INPP4B: variants seen among roughly 807,000 people sequenced by gnomAD.
The protein encoded by INPP4B is inositol polyphosphate 4-phosphatase type II.
Under a neutral mutation model 122.5 loss-of-function variants are expected in INPP4B, and 55 were observed. That is an observed-to-expected ratio of 0.45 (90% CI 0.36 to 0.56). The LOEUF is 0.56. Among genes scored for constraint, INPP4B ranks in the 20% least tolerant of loss-of-function variants. The pLI is 0.00. For missense variants in INPP4B, 1,000 were observed against 1,097.7 expected (o/e 0.91, Z 1.26); for synonymous variants, 403 against 388.7 (o/e 1.04, Z -0.43).
intron 2 of INPP4B, among the ~76,000 whole-genome samples, chr4:142,533,573 T>C (rs1244095312): frequency 6.6e-6 from 1 of 152,154 alleles, no homozygotes; most frequent in Non-Finnish European, 1.5e-5. Context: ...GTAAATCTAT[T>C]CTCAATTACT....
At chr4:142,306,540 T>C (rs1350309759) in intron 8 of INPP4B, among the ~76,000 whole-genome samples, 1 of 152,170 alleles carries the variant, frequency 6.6e-6, no homozygotes, top group African/African-American at 2.4e-5. Context: ...TTGAGGGTAA[T>C]GGCATCTTTT....
At chr4:142,724,598 A>G (rs1187132522) in intron 2 of INPP4B, among the ~76,000 whole-genome samples, 5 of 152,130 alleles carry the variant, frequency 3.3e-5, no homozygotes, top group Admixed American at 2.0e-4. Flanking sequence ...CCCTCAATTA[A>G]CTTCATTAAC....
intron 7 of INPP4B, among the ~76,000 whole-genome samples, chr4:142,330,863 T>C (rs1406470433): frequency 1.3e-5 from 2 of 152,186 alleles, no homozygotes; most frequent in African/African-American, 4.8e-5. Flanking sequence ...GCTAATGGGT[T>C]CAGGCATTTT....
chr4:142,564,864 G>GATTTAAGT (rs1242812821), intron 2 of INPP4B, among the ~76,000 whole-genome samples: 3 of 152,074 alleles, frequency 2.0e-5, no homozygotes, highest in Non-Finnish European at 4.4e-5. Flanking sequence ...ATTTAAGACT[G>GATTTAAGT]ATTTTTCTTA....
intron 2 of INPP4B, among the ~76,000 whole-genome samples, chr4:142,614,331 T>A (rs1743234249): frequency 6.6e-6 from 1 of 152,014 alleles, no homozygotes; most frequent in Non-Finnish European, 1.5e-5. Context: ...GCTGGGAAAA[T>A]TTGATAATCA....
chr4:142,520,534 T>C (rs1002460987), intron 2 of INPP4B, among the ~76,000 whole-genome samples: 9 of 151,988 alleles, frequency 5.9e-5, no homozygotes, highest in African/African-American at 2.2e-4. Context: ...TAGTCAATTC[T>C]ATTTACTTTA....
intron 2 of INPP4B, among the ~76,000 whole-genome samples, chr4:142,498,290 C>G (rs1026704313): frequency 4.6e-5 from 7 of 150,946 alleles, no homozygotes; most frequent in Non-Finnish European, 1.0e-4. Flanking sequence ...AAATGCGAAC[C>G]CAAGCAACAC....
At chr4:142,571,949 C>CT (rs537307015) in intron 2 of INPP4B, among the ~76,000 whole-genome samples, 21 of 152,152 alleles carry the variant, frequency 1.4e-4, no homozygotes, top group African/African-American at 5.1e-4. Flanking sequence ...GAATAAATTG[C>CT]TTTTTTGGTT....
intron 3 of INPP4B, among the ~76,000 whole-genome samples, chr4:142,455,931 G>A (rs1045151052): frequency 2.0e-5 from 3 of 151,876 alleles, no homozygotes; most frequent in Admixed American, 1.3e-4. Flanking sequence ...TCATATACTT[G>A]TTTGCTATTT....
At chr4:142,787,024 A>G (rs1775857232) in intron 1 of INPP4B, among the ~76,000 whole-genome samples, 1 of 152,142 alleles carries the variant, frequency 6.6e-6, no homozygotes, top group Non-Finnish European at 1.5e-5. Context: ...ATAATCTATC[A>G]ATATTTGTTG....
intron 7 of INPP4B, among the ~76,000 whole-genome samples, chr4:142,394,147 G>T (rs1037557313): frequency 3.1e-4 from 45 of 145,786 alleles, no homozygotes; most frequent in African/African-American, 9.8e-4. Context: ...GGTTTTTTTT[G>T]TTTGTTTGTT....
chr4:142,321,546 ATTT>A (rs927150611), intron 7 of INPP4B, among the ~76,000 whole-genome samples: 1 of 152,132 alleles, frequency 6.6e-6, no homozygotes, highest in Non-Finnish European at 1.5e-5. Flanking sequence ...ATCTTCTAGA[ATTT>A]TTATGATTTC....
At chr4:142,268,250 G>A (rs1201713355) in intron 10 of INPP4B, among the ~76,000 whole-genome samples, 1 of 140,600 alleles carries the variant, frequency 7.1e-6, no homozygotes, top group Non-Finnish European at 1.5e-5. Context: ...GTGAACCCAG[G>A]AGGCAGAGCT....
chr4:142,029,178 C>T (rs1482047561), intron 25 of INPP4B: 1 of 1,129,918 alleles, frequency 8.9e-7, no homozygotes, highest in African/African-American at 1.6e-5. Flanking sequence ...ATATAATTTG[C>T]TCCACAATAC....
intron 7 of INPP4B, among the ~76,000 whole-genome samples, chr4:142,397,704 T>G (rs1249911024): frequency 1.3e-5 from 2 of 151,910 alleles, no homozygotes; most frequent in African/African-American, 4.8e-5. Context: ...CCGGGCATGA[T>G]GGCGGGCGCC....
chr4:142,613,967 A>T (rs1349436593), intron 2 of INPP4B, among the ~76,000 whole-genome samples: 2 of 152,220 alleles, frequency 1.3e-5, no homozygotes, highest in African/African-American at 4.8e-5. Context: ...ATTCTTAGTT[A>T]ATACAAACCT....
intron 5 of INPP4B, among the ~76,000 whole-genome samples, chr4:142,416,173 A>T (rs1199978107): frequency 6.6e-6 from 1 of 152,136 alleles, no homozygotes; most frequent in East Asian, 1.9e-4. Flanking sequence ...AGTGTCAGGC[A>T]GGTATTTAGG....
intron 3 of INPP4B, among the ~76,000 whole-genome samples, chr4:142,455,865 T>C (rs1580112275): frequency 1.3e-5 from 2 of 152,234 alleles, no homozygotes; most frequent in South Asian, 2.1e-4. Flanking sequence ...TGAAATGATA[T>C]ATCATTGCAG....
chr4:142,272,172 T>C (rs1295974074), intron 9 of INPP4B, among the ~76,000 whole-genome samples: 1 of 152,136 alleles, frequency 6.6e-6, no homozygotes, highest in Non-Finnish European at 1.5e-5. Flanking sequence ...TAATTCCTTC[T>C]AAATGCTGCT....
Sources: gnomAD v4.1 joint callset for allele counts (sites outside exome capture counted in the v4.1 genomes callset) on GRCh38, gnomAD v4.1.1 for gene constraint, MANE v1.5 for transcripts, NCBI Gene and HGNC (gene_info 2026-07-23, HGNC 2026-07-21) for gene names.